Variants in ALK observed in about 807,000 individuals in gnomAD.
ALK encodes the protein ALK receptor tyrosine kinase.
In ALK, 74 loss-of-function variants were observed where a neutral mutation model predicts 163.1. The ratio of observed to expected loss-of-function variants is 0.45; its 90% CI spans 0.38 to 0.55. The LOEUF is 0.55. ALK is among the 20% of genes least tolerant of loss of function. The pLI is 0.00. For missense variants in ALK, 2,063 were observed against 2,105.3 expected (o/e 0.98, Z 0.39); for synonymous variants, 960 against 843.2 (o/e 1.14, Z -2.40).
At chr2:29,739,899 C>T (rs1680005745) in intron 1 of ALK, among the ~76,000 whole-genome samples, 1 of 152,088 alleles carries the variant, frequency 6.6e-6, no homozygotes, top group Non-Finnish European at 1.5e-5. Flanking sequence ...ACAAGAAACT[C>T]TATCATGTGT....
intron 5 of ALK, among the ~76,000 whole-genome samples, chr2:29,355,392 A>G (rs1372772885): frequency 6.6e-6 from 1 of 152,110 alleles, no homozygotes; most frequent in Non-Finnish European, 1.5e-5. Context: ...GTCACTTTCT[A>G]CGAGGGTAAT....
chr2:29,217,253 C>G (rs1329448288), intron 23 of ALK, among the ~76,000 whole-genome samples: 1 of 133,928 alleles, frequency 7.5e-6, no homozygotes, highest in Non-Finnish European at 1.6e-5. Flanking sequence ...GTGTGATGTA[C>G]GTGTGTGGTG....
chr2:29,552,829 A>G (rs1340647414), intron 3 of ALK, among the ~76,000 whole-genome samples: 2 of 152,168 alleles, frequency 1.3e-5, no homozygotes, highest in Non-Finnish European at 2.9e-5. Context: ...CTCTGGGATA[A>G]AAAGTTCACA....
intron 3 of ALK, among the ~76,000 whole-genome samples, chr2:29,616,848 C>T (rs754686419): frequency 6.6e-6 from 1 of 152,072 alleles, no homozygotes; most frequent in African/African-American, 2.4e-5. Context: ...CACCTTTTGC[C>T]CTAAAGAGCC....
At chr2:29,589,483 G>C (rs1322128185) in intron 3 of ALK, among the ~76,000 whole-genome samples, 1 of 152,218 alleles carries the variant, frequency 6.6e-6, no homozygotes, top group Middle Eastern at 3.2e-3. Flanking sequence ...ATCGAGGGCA[G>C]AGAGACCAAC....
intron 3 of ALK, among the ~76,000 whole-genome samples, chr2:29,540,625 A>G (rs984623846): frequency 1.1e-4 from 16 of 147,934 alleles, no homozygotes; most frequent in African/African-American, 4.0e-4. Context: ...TTTTCTCCTC[A>G]TAACTCTGTT....
chr2:29,408,490 G>C (rs1669646529), intron 4 of ALK, among the ~76,000 whole-genome samples: 1 of 152,146 alleles, frequency 6.6e-6, no homozygotes, highest in Non-Finnish European at 1.5e-5. Context: ...AGTGGGCAGG[G>C]AGCACATGAC....
intron 4 of ALK, among the ~76,000 whole-genome samples, chr2:29,493,893 C>T (rs573772750): frequency 6.6e-6 from 1 of 152,298 alleles, no homozygotes; most frequent in South Asian, 2.1e-4. Context: ...GATGAAACGG[C>T]CTCAAGCACA....
intron 1 of ALK, among the ~76,000 whole-genome samples, chr2:29,751,023 C>T (rs74621797): frequency 0.064 from 9,766 of 152,120 alleles, 820 homozygotes; most frequent in African/African-American, 0.2. Flanking sequence ...TAAGCCGACA[C>T]TGAGCCACTG....
At chr2:29,239,929 C>G in intron 12 of ALK, 99 bp from the exon 13 acceptor site, 1 of 1,421,878 alleles carries the variant, frequency 7.0e-7, no homozygotes, top group Non-Finnish European at 9.5e-7. Flanking sequence ...ACATCGCCAT[C>G]GTGGTCTGAG....
At chr2:29,594,325 C>T (rs1396399906) in intron 3 of ALK, among the ~76,000 whole-genome samples, 1 of 151,950 alleles carries the variant, frequency 6.6e-6, no homozygotes, top group Non-Finnish European at 1.5e-5. Context: ...TATCTCTTCC[C>T]AACTCCACAT....
Position 29,193,433 on chromosome 2 carries a change from C to G in ALK, c.4654G>C (p.Gly1552Arg), listed in dbSNP as rs771570579. 1.2e-6 allele frequency: 2 copies of G among 1,614,170 alleles called. No individual in the cohort carries two copies. Among genetic ancestry groups the G allele is most frequent in the Non-Finnish European group, 1.7e-6 (2 of 1,180,038 alleles). Residue 1552 changes from glycine (G) to arginine (R), a missense_variant, in exon 29 of 29, where the codon GGG becomes CGG. This residue lies in a region of ALK where 403 missense variants were observed against 366.2 expected (regional missense o/e 1.10). Transcript: ENST00000389048. Reference protein sequence around the residue: ...PPNVATGRLPGASLLLEPSSL... With the variant: ...PPNVATGRLPRASLLLEPSSL... ...GAGGGCTCTAGGAGCAGTGAGGCCCCCGGAAGTCTCCCAGTTGCAACGTTA... is the reference window on the plus strand; with the variant it reads ...GAGGGCTCTAGGAGCAGTGAGGCCCGCGGAAGTCTCCCAGTTGCAACGTTA...
At chr2:29,526,043 C>A (rs529331362) in intron 4 of ALK, among the ~76,000 whole-genome samples, 1 of 152,266 alleles carries the variant, frequency 6.6e-6, no homozygotes, top group East Asian at 1.9e-4. Flanking sequence ...CAAGTGGTTA[C>A]TCTGAGAAGG....
chr2:29,779,164 A>C (rs946918898), intron 1 of ALK, among the ~76,000 whole-genome samples: 23 of 152,114 alleles, frequency 1.5e-4, no homozygotes, highest in African/African-American at 3.4e-4. Flanking sequence ...TAAAAAAAAA[A>C]CAAAAAAACA....
chr2:29,818,495 G>A (rs1276007731), intron 1 of ALK, among the ~76,000 whole-genome samples: 4 of 152,252 alleles, frequency 2.6e-5, no homozygotes, highest in Non-Finnish European at 5.9e-5. Context: ...TACCCAACAC[G>A]CTGGCTGGGA....
intron 4 of ALK, among the ~76,000 whole-genome samples, chr2:29,507,173 C>T (rs1417868921): frequency 6.6e-6 from 1 of 152,100 alleles, no homozygotes; most frequent in African/African-American, 2.4e-5. Flanking sequence ...TATATACATA[C>T]AATGGAATAT....
chr2:29,559,244 T>C (rs914398768), intron 3 of ALK, among the ~76,000 whole-genome samples: 8 of 152,202 alleles, frequency 5.3e-5, no homozygotes, highest in Non-Finnish European at 1.0e-4. Flanking sequence ...CTGATGGCCT[T>C]AGGACCCTCA....
intron 3 of ALK, among the ~76,000 whole-genome samples, chr2:29,646,059 C>T (rs1676864279): frequency 6.6e-6 from 1 of 151,842 alleles, no homozygotes; most frequent in Non-Finnish European, 1.5e-5. Flanking sequence ...ATCCAGGGCC[C>T]TTTATCTCTC....
At chr2:29,273,584 C>T (rs916966578) in intron 11 of ALK, among the ~76,000 whole-genome samples, 22 of 152,164 alleles carry the variant, frequency 1.4e-4, no homozygotes, top group African/African-American at 4.6e-4. Context: ...TTCCTAAATG[C>T]TGGCTGCAGG....
Sources: gnomAD v4.1 joint callset for allele counts (sites outside exome capture counted in the v4.1 genomes callset) on GRCh38, gnomAD v4.1.1 for gene constraint, gnomAD v4.1.1 regional missense constraint, MANE v1.5 for transcripts, NCBI Gene and HGNC (gene_info 2026-07-23, HGNC 2026-07-21) for gene names.